Variants in ROBO1 observed in about 807,000 individuals in gnomAD.
ROBO1 encodes the protein roundabout homolog 1.
A neutral mutation model predicts 195.9 loss-of-function variants in ROBO1; 149 were observed. The observed-to-expected ratio is 0.76, with a 90% CI of 0.67 to 0.87. The LOEUF is 0.87. ROBO1 is among the 40% of genes least tolerant of loss of function. The probability of loss-of-function intolerance (pLI) is 0.00; values close to 1 mark genes in which losing one functional copy is unlikely to be tolerated. For missense variants in ROBO1, 1,933 were observed against 2,068.3 expected (o/e 0.93, Z 1.27); for synonymous variants, 816 against 733.2 (o/e 1.11, Z -1.82).
At chr3:79,597,819 G>A (rs1168047604) in intron 1 of ROBO1, among the ~76,000 whole-genome samples, 1 of 152,038 alleles carries the variant, frequency 6.6e-6, no homozygotes, top group Non-Finnish European at 1.5e-5. Flanking sequence ...GTGATGACAA[G>A]GCAAAGACAC....
intron 24 of ROBO1, among the ~76,000 whole-genome samples, chr3:78,633,032 C>A (rs1010238873): frequency 2.6e-5 from 4 of 152,160 alleles, no homozygotes; most frequent in African/African-American, 9.7e-5. Flanking sequence ...ACAGGCTAGA[C>A]AATGCCAGAC....
intron 2 of ROBO1, among the ~76,000 whole-genome samples, chr3:79,481,156 G>C (rs560490933): frequency 6.6e-6 from 1 of 152,050 alleles, no homozygotes; most frequent in East Asian, 1.9e-4. Flanking sequence ...GAAAGAAATC[G>C]ACTGCCTTGC....
intron 2 of ROBO1, among the ~76,000 whole-genome samples, chr3:79,288,166 A>C (rs1187679303): frequency 6.6e-6 from 1 of 152,164 alleles, no homozygotes; most frequent in Non-Finnish European, 1.5e-5. Flanking sequence ...TAATAGGGTA[A>C]AAAACACCAT....
intron 5 of ROBO1, among the ~76,000 whole-genome samples, chr3:78,739,138 T>C (rs1215574424): frequency 1.3e-5 from 2 of 152,328 alleles, no homozygotes; most frequent in East Asian, 1.9e-4. Context: ...GAGTGTCTTT[T>C]AAGCTCTTCT....
chr3:79,068,959 CT>C (rs2079045048), intron 3 of ROBO1, among the ~76,000 whole-genome samples: 1 of 151,610 alleles, frequency 6.6e-6, no homozygotes, highest in South Asian at 2.1e-4. Flanking sequence ...AATTTTTGTT[CT>C]CTCCATGCAC....
At chr3:79,765,361 AGCT>A (rs1231778256) in intron 1 of ROBO1, among the ~76,000 whole-genome samples, 2 of 152,242 alleles carry the variant, frequency 1.3e-5, no homozygotes, top group African/African-American at 2.4e-5. Context: ...ATCTGCTCCG[AGCT>A]GCTGCTGCTT....
intron 2 of ROBO1, among the ~76,000 whole-genome samples, chr3:79,438,993 G>A (rs987799114): frequency 6.6e-6 from 1 of 152,008 alleles, no homozygotes; most frequent in Non-Finnish European, 1.5e-5. Flanking sequence ...ATCTTTGGGA[G>A]CTTAGAAACC....
At chr3:78,651,403 C>T (rs777499150) in intron 19 of ROBO1, among the ~76,000 whole-genome samples, 3 of 151,984 alleles carry the variant, frequency 2.0e-5, no homozygotes, top group Admixed American at 2.0e-4. Flanking sequence ...ATAACAAGAA[C>T]ATTAAAAATT....
chr3:79,671,321 A>T (rs531391942), intron 1 of ROBO1, among the ~76,000 whole-genome samples: 37 of 151,902 alleles, frequency 2.4e-4, no homozygotes, highest in Non-Finnish European at 5.2e-4. Flanking sequence ...TGCATTTAAG[A>T]GAGGTACTAC....
chr3:78,678,987 G>A lies in ROBO1; in HGVS notation c.1342+6759C>T, dbSNP rs925157945. On this transcript the variant is annotated intron_variant, in intron 10 of 30. Coordinates refer to ENST00000464233, the MANE Select transcript of ROBO1 (RefSeq NM_002941.4). ...AAAAGCTTATCCACCATGATCAAGC[G>A]GGCTTCATCCCTGGGATGCAAGGCT... Among the ~76,000 whole-genome samples the A allele has an allele frequency of 4.6e-5, 7 of 152,114 alleles. No homozygotes were observed. In the East Asian group the frequency reaches 5.8e-4, roughly 13 times the overall value.
At chr3:78,711,369 TCCTTCCTTCCTTCCTTCCTTCCTTCCTTC>T (rs2081711591) in intron 8 of ROBO1, among the ~76,000 whole-genome samples, 1 of 25,022 alleles carries the variant, frequency 4.0e-5, no homozygotes, top group African/African-American at 1.6e-4. Context: ...CTTCCTTCCT[TCCTTCCTTCCTTCCTTCCTTCCTTCCTTC>T]CTTTCTTTCT....
chr3:79,580,975 G>A (rs1943642378), intron 2 of ROBO1, among the ~76,000 whole-genome samples: 1 of 152,088 alleles, frequency 6.6e-6, no homozygotes. Context: ...CAGAGCACAG[G>A]CTTGTTTATA....
At chr3:79,065,953 A>T (rs2078996367) in intron 3 of ROBO1, among the ~76,000 whole-genome samples, 1 of 151,918 alleles carries the variant, frequency 6.6e-6, no homozygotes, top group South Asian at 2.1e-4. Context: ...GAATTGATGA[A>T]TTTAGGCAGC....
intron 2 of ROBO1, among the ~76,000 whole-genome samples, chr3:79,398,263 A>AAT (rs1293493572): frequency 2.6e-5 from 4 of 152,160 alleles, no homozygotes; most frequent in Non-Finnish European, 5.9e-5. Flanking sequence ...AATATACAGA[A>AAT]ATATATACAT....
chr3:79,014,984 G>A (rs1306043632), intron 3 of ROBO1, among the ~76,000 whole-genome samples: 7 of 152,058 alleles, frequency 4.6e-5, no homozygotes, highest in South Asian at 4.1e-4. Flanking sequence ...ATGTAAAAAC[G>A]AAAAATAAAT....
chr3:79,432,976 T>G (rs1269835580), intron 2 of ROBO1, among the ~76,000 whole-genome samples: 1 of 152,200 alleles, frequency 6.6e-6, no homozygotes, highest in African/African-American at 2.4e-5. Flanking sequence ...AAATTATGTA[T>G]AGTTATTTTT....
chr3:79,051,424 C>T (rs1576614876), intron 3 of ROBO1, among the ~76,000 whole-genome samples: 1 of 151,918 alleles, frequency 6.6e-6, no homozygotes, highest in Non-Finnish European at 1.5e-5. Context: ...AATAGCATAC[C>T]AACCAAAAAA....
At chr3:79,380,164 G>T (rs1271152692) in intron 2 of ROBO1, among the ~76,000 whole-genome samples, 1 of 152,078 alleles carries the variant, frequency 6.6e-6, no homozygotes, top group African/African-American at 2.4e-5. Flanking sequence ...ATAAAAGGGA[G>T]TTCCTTTCTC....
intron 2 of ROBO1, among the ~76,000 whole-genome samples, chr3:79,270,875 A>G (rs1182945745): frequency 6.6e-6 from 1 of 151,966 alleles, no homozygotes; most frequent in Admixed American, 6.6e-5. Context: ...CATATAATGT[A>G]ATCATATTTA....
Sources: allele counts gnomAD v4.1 joint callset (sites outside exome capture counted in the v4.1 genomes callset), GRCh38; gene constraint gnomAD v4.1.1; transcripts MANE v1.5; gene names NCBI Gene and HGNC (gene_info 2026-07-23, HGNC 2026-07-21).